MTERF4: variants seen among roughly 807,000 people sequenced by gnomAD.
MTERF4 encodes the protein mitochondrial transcription termination factor 4.
Under a neutral mutation model 22.5 loss-of-function variants are expected in MTERF4, and 17 were observed. That is an observed-to-expected ratio of 0.75 (90% CI 0.52 to 1.13). The LOEUF is 1.13. Ranked by LOEUF, MTERF4 falls within the 50% of genes most tolerant of loss-of-function variation. The pLI, the probability that MTERF4 is intolerant of heterozygous loss-of-function variation, is 0.00. For synonymous variants in MTERF4, 165 were observed against 175.3 expected, an observed-to-expected ratio of 0.94 and a Z score of 0.47; for missense variants, 420 against 466.8, an observed-to-expected ratio of 0.90 and a Z score of 0.92.
downstream of MTERF4, chr2:241,089,926 T>G: frequency 6.5e-7 from 1 of 1,537,750 alleles, no homozygotes. Context: ...TGTGTGTATC[T>G]AAACGTAGAA....
chr2:241,099,327 G>C, intron 2 of MTERF4, 69 bp downstream of exon 2: 2 of 1,521,004 alleles, frequency 1.3e-6, no homozygotes, highest in Non-Finnish European at 1.8e-6. Flanking sequence ...TGCCTGCCTC[G>C]GCCTCCCAAA....
chr2:241,072,100 T>C (rs1001528679), downstream of MTERF4: 1 of 699,664 alleles, frequency 1.4e-6, no homozygotes, highest in Non-Finnish European at 2.6e-6. Flanking sequence ...CTCACGTCAG[T>C]GTGTGGGCTG....
downstream of MTERF4, chr2:241,070,323 G>T: frequency 3.8e-6 from 4 of 1,039,314 alleles, no homozygotes; most frequent in Non-Finnish European, 5.4e-6. Flanking sequence ...AAACAGGACC[G>T]TGTTAGCAGG....
At chr2:241,050,117 T>C in the MTERF4 span, 1 of 659,222 alleles carries the variant, frequency 1.5e-6, no homozygotes, top group East Asian at 2.8e-5. Context: ...TGGATGGTTC[T>C]GATCTGCACC....
At chr2:241,062,776 GC>G in the MTERF4 span, 4 of 1,580,970 alleles carry the variant, frequency 2.5e-6, no homozygotes, top group Non-Finnish European at 3.5e-6. Context: ...TTATTCTTGG[GC>G]TCTCTCCTCT....
At chr2:241,044,923 C>G in the MTERF4 span, among the ~76,000 whole-genome samples, 1 of 152,148 alleles carries the variant, frequency 6.6e-6, no homozygotes, top group Non-Finnish European at 1.5e-5. Context: ...CCCCAGAAAA[C>G]TGGAAAGTAC....
chr2:241,048,525 G>A, the MTERF4 span: 8 of 1,507,808 alleles, frequency 5.3e-6, no homozygotes, highest in Admixed American at 2.1e-5. Flanking sequence ...TGCAGGAAAC[G>A]CCCCGAAAAG....
chr2:241,060,041 C>T, the MTERF4 span, among the ~76,000 whole-genome samples: 1 of 151,980 alleles, frequency 6.6e-6, no homozygotes, highest in Non-Finnish European at 1.5e-5. Flanking sequence ...CAACTAGATC[C>T]CAGGATACAG....
At chr2:241,058,242 AATT>A in the MTERF4 span, among the ~76,000 whole-genome samples, 16 of 152,310 alleles carry the variant, frequency 1.1e-4, no homozygotes, top group South Asian at 1.0e-3. Context: ...AAGAAGATAC[AATT>A]ATTATAAATA....
At chr2:241,080,928 G>A (rs1284915163) in intron 4 of MTERF4, among the ~76,000 whole-genome samples, 3 of 152,260 alleles carry the variant, frequency 2.0e-5, no homozygotes, top group African/African-American at 7.2e-5. Context: ...GAGGGCAGGA[G>A]CGACAGGGAC....
chr2:241,076,042 C>A lies in MTERF4; in HGVS notation n.480-360G>T, dbSNP rs551375418. Among the ~76,000 whole-genome samples, 6 of 152,322 alleles carry A rather than the reference C, an allele frequency of 3.9e-5. No homozygotes were observed. In the South Asian group the frequency reaches 1.0e-3, roughly 26 times the overall value. On this transcript the variant is annotated intron_variant and non_coding_transcript_variant, in intron 4 of 4. Coordinates refer to the MTERF4 transcript ENST00000464344. ...GTGCCAATACTGCCCTGTGTTCACT[C>A]TAACTTTGTAAGTCCTGGAACTGAT...
the MTERF4 span, chr2:241,065,171 A>T: frequency 1.0e-6 from 1 of 1,002,074 alleles, no homozygotes; most frequent in Non-Finnish European, 1.5e-6. Flanking sequence ...AGGGACAAAG[A>T]AGGACTCTGC....
chr2:241,102,123 G>C lies in MTERF4; in HGVS notation c.21+130C>G, dbSNP rs768559916. ...CCACGGGTCCAGGATGCCAAAACCA[G>C]GTCAGCGTGCACGGACCTCCGGGAG... On this transcript the variant is annotated intron_variant, in intron 1 of 3. Transcript: ENST00000391980. The C allele has an allele frequency of 1.2e-4, 152 of 1,302,500 alleles. 1 individual carries two copies. The highest frequency in any genetic ancestry group is 1.6e-4 in the Non-Finnish European group (148 of 932,364). 80.7% of individuals were successfully genotyped at this position (1,302,500 alleles called of 1,614,324 possible).
At chr2:241,068,893 G>C, downstream of MTERF4, 2 of 1,519,146 alleles carry the variant, frequency 1.3e-6, no homozygotes, top group Non-Finnish European at 1.8e-6. The surrounding 1 kb of genome is among the most constrained non-coding windows in gnomAD (Gnocchi z 5.3). Flanking sequence ...TTCTCTCTTT[G>C]TCACCTCCTG....
the MTERF4 span, chr2:241,065,497 C>T: frequency 1.4e-5 from 22 of 1,612,728 alleles, no homozygotes; most frequent in South Asian, 2.2e-5. Context: ...CAGGCCCTGG[C>T]GGCCGGCAGG....
At chr2:241,089,123 G>C, downstream of MTERF4, 1 of 552,170 alleles carries the variant, frequency 1.8e-6, no homozygotes, top group South Asian at 3.1e-5. Context: ...CTTCACAATC[G>C]TTTGCAAGAG....
At chr2:241,077,711 G>C (rs923138123) in intron 4 of MTERF4, among the ~76,000 whole-genome samples, 1 of 152,186 alleles carries the variant, frequency 6.6e-6, no homozygotes, top group East Asian at 1.9e-4. Context: ...ATTTCTGCAA[G>C]GAAGATATGC....
At chr2:241,079,899 A>G (rs1003277857) in intron 4 of MTERF4, among the ~76,000 whole-genome samples, 2 of 152,256 alleles carry the variant, frequency 1.3e-5, no homozygotes, top group Non-Finnish European at 2.9e-5. Context: ...AAATGATTGC[A>G]TGTATATGGT....
chr2:241,067,424 G>A (rs1435843602), downstream of MTERF4, among the ~76,000 whole-genome samples: 1 of 152,228 alleles, frequency 6.6e-6, no homozygotes, highest in Non-Finnish European at 1.5e-5. Flanking sequence ...GAAAAGGGGA[G>A]GTCCGGGTTA....
Sources: allele counts gnomAD v4.1 joint callset (sites outside exome capture counted in the v4.1 genomes callset), GRCh38; gene constraint gnomAD v4.1.1; non-coding constraint Gnocchi (gnomAD v3.1); transcripts MANE v1.5; gene names NCBI Gene and HGNC (gene_info 2026-07-23, HGNC 2026-07-21).